DPPA2: variants seen among roughly 807,000 people sequenced by gnomAD.
DPPA2 encodes developmental pluripotency associated 2, also known as developmental pluripotency-associated protein 2.
In DPPA2, 26 loss-of-function variants were observed where a neutral mutation model predicts 36.2. That is an observed-to-expected ratio of 0.72 (90% CI 0.53 to 1.00). DPPA2 has a LOEUF of 1.00. Among genes scored for constraint, DPPA2 ranks in the 50% least tolerant of loss-of-function variants. The pLI is 0.00. For missense variants in DPPA2, 361 were observed against 365.1 expected (o/e 0.99, Z 0.09); for synonymous variants, 113 against 123.2 (o/e 0.92, Z 0.55).
intron 8 of DPPA2, among the ~76,000 whole-genome samples, chr3:109,299,882 G>C (rs950241816): frequency 6.6e-6 from 1 of 151,050 alleles, no homozygotes; most frequent in African/African-American, 2.4e-5. Context: ...TAGCCTTCCC[G>C]GTAGCTGGGA....
At chr3:109,310,228 C>CAAAA (rs1183674663) in intron 3 of DPPA2, among the ~76,000 whole-genome samples, 2 of 46,928 alleles carry the variant, frequency 4.3e-5, no homozygotes, top group African/African-American at 1.5e-4. Context: ...AACTCCGTCT[C>CAAAA]AAAAAAAAAA....
chr3:109,302,008 A>G (rs1298542338), intron 7 of DPPA2, among the ~76,000 whole-genome samples: 2 of 152,184 alleles, frequency 1.3e-5, no homozygotes, highest in Non-Finnish European at 2.9e-5. Flanking sequence ...ATTACCTTAC[A>G]TGGCCATCTT....
At chr3:109,312,028 G>A (rs1707719759) in intron 3 of DPPA2, among the ~76,000 whole-genome samples, 1 of 152,184 alleles carries the variant, frequency 6.6e-6, no homozygotes, top group Non-Finnish European at 1.5e-5. Context: ...CGCTCCCCAT[G>A]CTTATTTTGT....
intron 5 of DPPA2, 86 bp downstream of exon 5, chr3:109,308,940 C>T (rs1460642818): frequency 8.0e-6 from 12 of 1,500,888 alleles, no homozygotes; most frequent in South Asian, 6.9e-5. Context: ...CTTAGAGGTA[C>T]AACACATAGA....
chr3:109,296,137 AT>A (rs1034970124), intron 8 of DPPA2, among the ~76,000 whole-genome samples: 97 of 152,320 alleles, frequency 6.4e-4, no homozygotes, highest in African/African-American at 2.2e-3. Context: ...GACTGAAAAT[AT>A]CCCAAAATTA....
At chr3:109,304,046 C>A in intron 7 of DPPA2, among the ~76,000 whole-genome samples, 1 of 151,886 alleles carries the variant, frequency 6.6e-6, no homozygotes, top group South Asian at 2.1e-4. Context: ...CCGAGGCGGG[C>A]GGATCATGAG....
intron 8 of DPPA2, 137 bp downstream of exon 8, chr3:109,300,234 A>C: frequency 2.9e-6 from 2 of 684,032 alleles, no homozygotes; most frequent in Non-Finnish European, 2.5e-6. Flanking sequence ...ACAGCAGACA[A>C]GAGACTTTGA....
chr3:109,299,778 G>A (rs1327694579), intron 8 of DPPA2, among the ~76,000 whole-genome samples: 1 of 132,998 alleles, frequency 7.5e-6, no homozygotes, highest in African/African-American at 2.8e-5. Context: ...TAGAGACTAT[G>A]TTGCCCAGGC....
rs1431450366 is a variant in DPPA2, at chr3:109,314,493, A to G, written c.33+17T>C. 3.7e-6 allele frequency: 6 copies of G among 1,607,192 alleles called. No homozygotes were observed. The highest frequency in any genetic ancestry group is 3.3e-5 in the Admixed American group (2 of 59,862). On this transcript the variant is annotated intron_variant, in intron 2 of 8. Transcript: ENST00000478945. ...AAGCGACTGTGAGAAAAGTAATTCTATTAGAATGAAACTTACCTTCTTGCT... is the reference window on the plus strand; with the variant it reads ...AAGCGACTGTGAGAAAAGTAATTCTGTTAGAATGAAACTTACCTTCTTGCT...
At position 109,308,036 on chromosome 3, in the gene DPPA2, G is replaced by A. The variant is rs747746566; in HGVS notation, c.654C>T (p.Ala218=). 1.9e-6 allele frequency: 3 copies of A among 1,613,978 alleles called. No individual in the cohort carries two copies. Among genetic ancestry groups the A allele is most frequent in the South Asian group, 1.1e-5 (1 of 91,072 alleles). ...PVSVEAFLMQ[A]SGVRWCVVHG... ...ACACTTTAAGGTTGATCTTACCAGA[G>A]GCTTGCATCAAAAAGGCCTCAACAG... The change falls in exon 6 of 9, where the codon GCC becomes GCT. Residue 218 remains alanine (A), a synonymous_variant. Coordinates refer to ENST00000478945, the MANE Select transcript of DPPA2 (RefSeq NM_138815.4).
chr3:109,295,306 G>A (rs1707332851), intron 8 of DPPA2: 1 of 151,698 alleles, frequency 6.6e-6, no homozygotes, highest in Admixed American at 6.6e-5. Flanking sequence ...GATCGCCTGA[G>A]GTCAGGAGTT....
In DPPA2 at chr3:109,304,777, A is replaced by G. The variant is rs1707519662; in HGVS notation, c.659-107T>C. On this transcript the variant is annotated intron_variant, in intron 6 of 8. Coordinates refer to ENST00000478945, the MANE Select transcript of DPPA2 (RefSeq NM_138815.4). ...GCTCTTGTATTCTGCTCACAAATCA[A>G]TTGAATGAGATGCATGAAAACCTAG... The G allele has an allele frequency of 4.7e-6, 5 of 1,072,340 alleles. No individual in the cohort carries two copies. In the South Asian group the frequency reaches 6.8e-5, roughly 15 times the overall value. 66.4% of individuals were successfully genotyped at this position (1,072,340 alleles called of 1,614,324 possible).
intron 7 of DPPA2, among the ~76,000 whole-genome samples, chr3:109,303,883 T>A (rs1235208116): frequency 1.3e-5 from 2 of 151,940 alleles, no homozygotes; most frequent in Non-Finnish European, 2.9e-5. Context: ...ATGCCCTTAA[T>A]ACCAGTACTT....
intron 2 of DPPA2, 22 bp from the exon 3 acceptor site, chr3:109,312,714 T>C: frequency 6.2e-7 from 1 of 1,611,524 alleles, no homozygotes; most frequent in South Asian, 1.1e-5. Flanking sequence ...AGTCAGTCAC[T>C]GATTTTCATT....
chr3:109,296,582 G>T (rs1311942115), intron 8 of DPPA2, among the ~76,000 whole-genome samples: 1 of 152,102 alleles, frequency 6.6e-6, no homozygotes, highest in Non-Finnish European at 1.5e-5. Context: ...GGCTGAGACA[G>T]GAGAATTGTT....
At chr3:109,301,649 C>G (rs1253708473) in intron 7 of DPPA2, among the ~76,000 whole-genome samples, 1 of 142,730 alleles carries the variant, frequency 7.0e-6, no homozygotes, top group Non-Finnish European at 1.5e-5. Context: ...CAGACTCCAT[C>G]TCAAATAAAA....
At position 109,309,093 on chromosome 3, in the gene DPPA2, G is replaced by A; in HGVS notation, c.343-14C>T. ...AACTTCGATTTTCTTAGGAAATGAA[G>A]AGAGAGATTAAGTTAAAAGTTGACA... On this transcript the variant is annotated splice_polypyrimidine_tract_variant and intron_variant, in intron 4 of 8. Transcript: ENST00000478945. 6.2e-7 allele frequency: 1 copy of A among 1,614,144 alleles called. No homozygotes were observed. Among genetic ancestry groups the A allele is most frequent in the Middle Eastern group, 1.6e-4 (1 of 6,062 alleles).
At chr3:109,308,993 C>A in intron 5 of DPPA2, 33 bp downstream of exon 5, 1 of 1,613,700 alleles carries the variant, frequency 6.2e-7, no homozygotes. Context: ...GATCAGAACC[C>A]ACCTTCACAC....
chr3:109,300,513 A>G, intron 7 of DPPA2, 78 bp from the exon 8 acceptor site: 3 of 1,411,212 alleles, frequency 2.1e-6, no homozygotes, highest in Non-Finnish European at 3.0e-6. Flanking sequence ...CTTTAAAATG[A>G]CCAATAAAAT....
Sources: allele counts gnomAD v4.1 joint callset (sites outside exome capture counted in the v4.1 genomes callset), GRCh38; gene constraint gnomAD v4.1.1; transcripts MANE v1.5; gene names NCBI Gene and HGNC (gene_info 2026-07-23, HGNC 2026-07-21).